Variants in SOX5 observed in about 807,000 individuals in gnomAD.
The protein encoded by SOX5 is SRY-box transcription factor 5, also known as transcription factor SOX-5.
Under a neutral mutation model 92.0 loss-of-function variants are expected in SOX5, and 9 were observed. The ratio of observed to expected loss-of-function variants is 0.10; its 90% CI spans 0.06 to 0.17. The LOEUF (loss-of-function observed/expected upper bound fraction) is 0.17. Ranked by LOEUF, SOX5 falls within the 10% of genes least tolerant of loss-of-function variation. SOX5 has a pLI of 1.00. For missense variants in SOX5, 642 were observed against 944.5 expected (o/e 0.68, Z 4.20); for synonymous variants, 344 against 336.3 (o/e 1.02, Z -0.25).
chr12:24,333,934 A>C (rs919576948), intron 2 of SOX5, among the ~76,000 whole-genome samples: 76 of 151,770 alleles, frequency 5.0e-4, no homozygotes, highest in Middle Eastern at 3.5e-3. Context: ...TAATGATGGT[A>C]CTGGTGCAAG....
chr12:23,723,777 T>C (rs1164079068), intron 6 of SOX5, among the ~76,000 whole-genome samples: 4 of 151,972 alleles, frequency 2.6e-5, no homozygotes, highest in Non-Finnish European at 4.4e-5. Context: ...ATTAAATATA[T>C]GTATATGACA....
intron 1 of SOX5, among the ~76,000 whole-genome samples, chr12:24,518,794 C>T (rs949854473): frequency 1.3e-5 from 2 of 152,206 alleles, no homozygotes; most frequent in African/African-American, 2.4e-5. Context: ...TTGGCAATCT[C>T]TGTTCAACCA....
At chr12:24,041,862 G>A (rs980143729) in intron 4 of SOX5, among the ~76,000 whole-genome samples, 2 of 151,944 alleles carry the variant, frequency 1.3e-5, no homozygotes, top group East Asian at 1.9e-4. Context: ...TAATAAATTT[G>A]GTAAGACTTG....
At chr12:23,822,722 G>A (rs927671486) in intron 3 of SOX5, among the ~76,000 whole-genome samples, 1 of 152,094 alleles carries the variant, frequency 6.6e-6, no homozygotes, top group South Asian at 2.1e-4. Context: ...GGGTGCTAAA[G>A]TCTCCCACTA....
intron 1 of SOX5, among the ~76,000 whole-genome samples, chr12:24,409,557 A>T (rs968164809): frequency 6.6e-6 from 1 of 152,150 alleles, no homozygotes; most frequent in Admixed American, 6.5e-5. Context: ...CTCTGAGATA[A>T]ATGTCCAGGA....
chr12:24,162,615 A>G (rs1297379144), intron 4 of SOX5, among the ~76,000 whole-genome samples: 1 of 152,156 alleles, frequency 6.6e-6, no homozygotes, highest in East Asian at 1.9e-4. Flanking sequence ...TTACAATTCC[A>G]TCAGGGCAGA....
chr12:23,546,086 T>C (rs541208657), intron 12 of SOX5, among the ~76,000 whole-genome samples: 1 of 152,222 alleles, frequency 6.6e-6, no homozygotes, highest in East Asian at 1.9e-4. Context: ...AGGCTCAGGC[T>C]CTTTCTCTGC....
intron 2 of SOX5, among the ~76,000 whole-genome samples, chr12:24,311,590 T>C (rs1949183276): frequency 2.0e-5 from 3 of 152,212 alleles, no homozygotes. Context: ...ATAAATACAA[T>C]TTAGTCATTA....
intron 3 of SOX5, among the ~76,000 whole-genome samples, chr12:23,804,913 TTTTATATATATA>T (rs2095733822): frequency 1.8e-5 from 2 of 109,332 alleles, no homozygotes; most frequent in Admixed American, 1.1e-4. Flanking sequence ...CCTATCATTG[TTTTATATATATA>T]TATATATATA....
At chr12:23,839,014 T>C (rs1422729322) in intron 3 of SOX5, among the ~76,000 whole-genome samples, 2 of 151,454 alleles carry the variant, frequency 1.3e-5, no homozygotes, top group African/African-American at 4.9e-5. Flanking sequence ...TATTTTTTTT[T>C]TTTTTTGTAT....
intron 1 of SOX5, among the ~76,000 whole-genome samples, chr12:24,371,804 A>G (rs1324306155): frequency 6.6e-6 from 1 of 152,210 alleles, no homozygotes; most frequent in East Asian, 1.9e-4. Context: ...CCTATCCAAC[A>G]TGATGAAACC....
rs2097047294 is a variant in SOX5 at position 23,884,976 on chromosome 12, C to T, written c.270+10817G>A. Among the ~76,000 whole-genome samples the T allele has an allele frequency of 2.6e-5, 4 of 152,286 alleles. No homozygotes were observed. In the South Asian group the frequency reaches 8.3e-4, roughly 32 times the overall value. On this transcript the variant is annotated intron_variant, in intron 2 of 14. Coordinates refer to ENST00000451604, the MANE Select transcript of SOX5 (RefSeq NM_006940.6). Reference sequence around the variant, plus strand: ...AAGATCGGCTATAAGATATATTCAACAAGGCTTTCAACATTGCTTTTTATG... The same window carrying T: ...AAGATCGGCTATAAGATATATTCAATAAGGCTTTCAACATTGCTTTTTATG...
chr12:23,841,916 A>G (rs1326507678), intron 3 of SOX5, among the ~76,000 whole-genome samples: 1 of 152,140 alleles, frequency 6.6e-6, no homozygotes, highest in Non-Finnish European at 1.5e-5. Context: ...GTACATTTCT[A>G]TGCATTTGCA....
intron 4 of SOX5, among the ~76,000 whole-genome samples, chr12:23,963,687 A>G (rs1394113359): frequency 6.7e-6 from 1 of 149,120 alleles, no homozygotes; most frequent in African/African-American, 2.5e-5. Context: ...GGAAGACTAC[A>G]CATTCTATAC....
chr12:24,089,958 C>A (rs1173480199), intron 4 of SOX5, among the ~76,000 whole-genome samples: 1 of 152,052 alleles, frequency 6.6e-6, no homozygotes, highest in Non-Finnish European at 1.5e-5. Flanking sequence ...TGGAAAGCAG[C>A]ATGTAGGTAT....
chr12:24,304,174 G>C (rs1314613066), intron 2 of SOX5, among the ~76,000 whole-genome samples: 2 of 152,204 alleles, frequency 1.3e-5, no homozygotes, highest in Non-Finnish European at 2.9e-5. Context: ...GGTTTTGACA[G>C]GTAGATTTTA....
chr12:24,306,791 C>T (rs1948622302), intron 2 of SOX5, among the ~76,000 whole-genome samples: 1 of 152,116 alleles, frequency 6.6e-6, no homozygotes, highest in Non-Finnish European at 1.5e-5. Flanking sequence ...TCTACTCCTA[C>T]CCCTAAATGT....
chr12:23,540,727 A>C (rs890834201), intron 13 of SOX5, among the ~76,000 whole-genome samples: 1 of 152,234 alleles, frequency 6.6e-6, no homozygotes, highest in Non-Finnish European at 1.5e-5. Flanking sequence ...TGGCTTATTA[A>C]AACCAGATTT....
chr12:23,846,330 A>G, intron 2 of SOX5, 137 bp from the exon 3 acceptor site: 2 of 696,106 alleles, frequency 2.9e-6, no homozygotes, highest in Non-Finnish European at 4.9e-6. Flanking sequence ...AATTGGTTAT[A>G]TGGCTTATTC....
Sources: allele counts gnomAD v4.1 joint callset (sites outside exome capture counted in the v4.1 genomes callset), GRCh38; gene constraint gnomAD v4.1.1; transcripts MANE v1.5; gene names NCBI Gene and HGNC (gene_info 2026-07-23, HGNC 2026-07-21).